Variants in FUOM observed in about 807,000 individuals in gnomAD.
FUOM encodes the protein protein fucU homolog.
A neutral mutation model predicts 18.3 loss-of-function variants in FUOM; 19 were observed. The observed-to-expected ratio is 1.04, with a 90% confidence interval of 0.73 to 1.53. FUOM has a LOEUF of 1.53. Among genes scored for constraint, FUOM ranks in the 40% most tolerant of loss-of-function variants. The pLI, the probability that FUOM is intolerant of heterozygous loss-of-function variation, is 0.00. For missense variants in FUOM, 210 were observed against 200.9 expected (o/e 1.04, Z -0.27); for synonymous variants, 102 against 87.9 (o/e 1.16, Z -0.90).
chr10:133,355,170 G>C lies in FUOM; in HGVS notation c.*200C>G. The stretch of plus-strand genomic sequence containing the variant: ...AACAGAGCTGGAATTGGACTCTTGA[G>C]ACTGAACGTTTTTCCATCATTTTCA... On this transcript the variant is annotated 3_prime_UTR_variant, in exon 6 of 6. Coordinates refer to ENST00000278025, the MANE Select transcript of FUOM (RefSeq NM_001098483.3). 6.5e-6 allele frequency: 4 copies of C among 619,018 alleles called. No homozygotes were observed. The highest frequency in any genetic ancestry group is 1.1e-5 in the Non-Finnish European group (4 of 355,230). 38.3% of individuals were successfully genotyped at this position (619,018 alleles called of 1,614,324 possible).
At chr10:133,354,808 C>T (rs1848736232), downstream of FUOM, among the ~76,000 whole-genome samples, 1 of 152,220 alleles carries the variant, frequency 6.6e-6, no homozygotes, top group Non-Finnish European at 1.5e-5. Context: ...TAGGGCATGG[C>T]CCACACCGAG....
intron 1 of FUOM, 43 bp downstream of exon 1, chr10:133,357,880 C>G (rs1848862535): frequency 6.8e-7 from 1 of 1,480,828 alleles, no homozygotes; most frequent in African/African-American, 1.5e-5. Context: ...GCCCTCCTGC[C>G]TGTCCCGGGG....
intron 4 of FUOM, among the ~76,000 whole-genome samples, chr10:133,356,077 C>T (rs1391776845): frequency 6.6e-6 from 1 of 152,188 alleles, no homozygotes; most frequent in Non-Finnish European, 1.5e-5. Flanking sequence ...AGTAGACTGT[C>T]GAGCCCCTGC....
At chr10:133,357,100 G>A in intron 2 of FUOM, 87 bp from the exon 3 acceptor site, 1 of 1,539,356 alleles carries the variant, frequency 6.5e-7, no homozygotes, top group Non-Finnish European at 8.8e-7. Flanking sequence ...CATGGACTTG[G>A]GGCCACGGCA....
downstream of FUOM, among the ~76,000 whole-genome samples, chr10:133,354,881 C>A (rs1266236634): frequency 1.3e-5 from 2 of 152,200 alleles, no homozygotes; most frequent in African/African-American, 4.8e-5. Context: ...TGCCCTCCTG[C>A]GGGTGGAAGG....
intron 5 of FUOM, 105 bp downstream of exon 5, chr10:133,355,633 G>A (rs2133414882): frequency 6.4e-7 from 1 of 1,558,082 alleles, no homozygotes; most frequent in East Asian, 2.2e-5. Flanking sequence ...CCAGGCAGAA[G>A]CTGAGAAGAG....
chr10:133,357,496 G>T (rs929937306), intron 1 of FUOM: 1 of 583,624 alleles, frequency 1.7e-6, no homozygotes, highest in Non-Finnish European at 3.1e-6. Flanking sequence ...AGCTGCCCGC[G>T]AGGCTGTCGG....
chr10:133,357,362 G>T, intron 1 of FUOM, 107 bp from the exon 2 acceptor site: 1 of 1,160,216 alleles, frequency 8.6e-7, no homozygotes. Context: ...GTCACAAGAG[G>T]TCTCAGGTCA....
chr10:133,353,247 C>T (rs1398826154), downstream of FUOM, among the ~76,000 whole-genome samples: 2 of 152,206 alleles, frequency 1.3e-5, no homozygotes, highest in African/African-American at 4.8e-5. Context: ...CATGGCCTTT[C>T]TGCCCTCCTG....
intron 1 of FUOM, 181 bp from the exon 2 acceptor site, chr10:133,357,436 G>T (rs1182559718): frequency 4.6e-6 from 3 of 654,550 alleles, no homozygotes; most frequent in African/African-American, 3.6e-5. Flanking sequence ...AAGCCACGCG[G>T]GGAGGTGGGG....
chr10:133,355,482 G>A lies in FUOM; in HGVS notation c.399-46C>T, dbSNP rs77880897. 3,241 of 1,607,188 alleles carry A rather than the reference G, an allele frequency of 2.0e-3. 54 individuals are homozygous for A. The African/African-American group carries it at 0.037, about 19-fold the overall frequency. ...GCACTGAGCTGGGCTGCAGGGCCAGGGTGCCGAGACCCTGCTTCAGCATCT... is the reference window on the plus strand; with the variant it reads ...GCACTGAGCTGGGCTGCAGGGCCAGAGTGCCGAGACCCTGCTTCAGCATCT... On this transcript the variant is annotated intron_variant, in intron 5 of 5. Coordinates refer to ENST00000278025, the MANE Select transcript of FUOM (RefSeq NM_001098483.3).
intron 2 of FUOM, 69 bp downstream of exon 2, chr10:133,357,118 G>T: frequency 6.5e-7 from 1 of 1,541,756 alleles, no homozygotes; most frequent in Non-Finnish European, 8.8e-7. Context: ...GCAGGCCACA[G>T]AGGAGCCTCA....
At position 133,355,426 on chromosome 10, in the gene FUOM, G is replaced by C; in HGVS notation, c.409C>G (p.Leu137Val). The C allele has an allele frequency of 1.2e-6, 2 of 1,610,108 alleles. No homozygotes were observed. ...TTCCTGAGGATGAGGTTTCCGTAGAGGGCCGTCTCCCTGCAGAGGAGCCAA... is the reference window on the plus strand; with the variant it reads ...TTCCTGAGGATGAGGTTTCCGTAGACGGCCGTCTCCCTGCAGAGGAGCCAA... Reference protein sequence around the residue: ...FAVVATGETALYGNLILRKGV... With the variant: ...FAVVATGETAVYGNLILRKGV... The change falls in exon 6 of 6, where the codon CTC becomes GTC. Residue 137 changes from leucine (L) to valine (V), a missense_variant. Coordinates refer to ENST00000278025, the MANE Select transcript of FUOM (RefSeq NM_001098483.3).
chr10:133,354,143 T>C (rs1352615111), downstream of FUOM, among the ~76,000 whole-genome samples: 3 of 152,128 alleles, frequency 2.0e-5, no homozygotes, highest in Admixed American at 6.5e-5. Context: ...CGAGGGTGTG[T>C]GCAACCAGCT....
Position 133,357,739 on chromosome 10 carries a change from G to A in FUOM, c.85+184C>T, listed in dbSNP as rs1022747690. ...GAAGCTCGGGCCGGCTCCGCCCAGA[G>A]CCCCACGAGGTCTCAGTTCCCTAAA... On this transcript the variant is annotated intron_variant, in intron 1 of 5. Coordinates refer to ENST00000278025, the MANE Select transcript of FUOM (RefSeq NM_001098483.3). 9.2e-6 allele frequency: 5 copies of A among 545,008 alleles called. No homozygotes were observed. The African/African-American group carries it at 1.0e-4, about 11-fold the overall frequency. 33.8% of individuals were successfully genotyped at this position (545,008 alleles called of 1,614,324 possible).
Position 133,355,358 on chromosome 10 carries a change from T to G in FUOM, c.*12A>C, listed in dbSNP as rs773722936. 1 of 1,596,752 alleles carries G rather than the reference T, an allele frequency of 6.3e-7. No homozygotes were observed. Among genetic ancestry groups the G allele is most frequent in the Non-Finnish European group, 8.5e-7 (1 of 1,175,430 alleles). The stretch of plus-strand genomic sequence containing the variant: ...CCAGTTCCTCTTCCGGCCCAGGTGG[T>G]CTTCACCAGGCCTACAGCAGGGGGT... On this transcript the variant is annotated 3_prime_UTR_variant, in exon 6 of 6. Coordinates refer to ENST00000278025, the MANE Select transcript of FUOM (RefSeq NM_001098483.3).
intron 4 of FUOM, among the ~76,000 whole-genome samples, chr10:133,356,277 C>T (rs977814532): frequency 6.6e-6 from 1 of 152,190 alleles, no homozygotes; most frequent in African/African-American, 2.4e-5. Context: ...CAGGATGGGG[C>T]GAGAGACCTG....
At chr10:133,355,656 T>A in intron 5 of FUOM, 82 bp downstream of exon 5, 1 of 1,550,188 alleles carries the variant, frequency 6.5e-7, no homozygotes, top group Non-Finnish European at 8.9e-7. Context: ...TAGGGGCAGC[T>A]CCTGAGGCCC....
At chr10:133,357,498 G>C in intron 1 of FUOM, 1 of 582,972 alleles carries the variant, frequency 1.7e-6, no homozygotes, top group Non-Finnish European at 3.1e-6. Flanking sequence ...CTGCCCGCGA[G>C]GCTGTCGGGT....
Sources: allele counts gnomAD v4.1 joint callset (sites outside exome capture counted in the v4.1 genomes callset), GRCh38; gene constraint gnomAD v4.1.1; transcripts MANE v1.5; gene names NCBI Gene and HGNC (gene_info 2026-07-23, HGNC 2026-07-21).